Variants in RORA observed in about 807,000 individuals in gnomAD.
RORA encodes the protein nuclear receptor ROR-alpha.
A neutral mutation model predicts 69.5 loss-of-function variants in RORA; 7 were observed. The observed-to-expected ratio is 0.10, with a 90% CI of 0.06 to 0.19. The LOEUF is 0.19. RORA is among the 10% of genes least tolerant of loss of function. RORA has a pLI of 1.00. For missense variants in RORA, 457 were observed against 663.0 expected (o/e 0.69, Z 3.41); for synonymous variants, 261 against 240.8 (o/e 1.08, Z -0.78).
chr15:61,229,247 G>A lies in RORA; in HGVS notation c.-29C>T. The stretch of plus-strand genomic sequence containing the variant: ...TTTTCCCAATGTAGAGATCGCTGGA[G>A]ATGGCGAGCTCCGAGACTCCCTCTA... On this transcript the variant is annotated 5_prime_UTR_variant, in exon 1 of 11. Transcript: ENST00000335670. The A allele has an allele frequency of 8.0e-7, 1 of 1,247,612 alleles. No homozygotes were observed. Among genetic ancestry groups the A allele is most frequent in the Non-Finnish European group, 1.0e-6 (1 of 976,768 alleles). The allele number at this position is 1,247,612 out of a possible 1,614,324, so 77.3% of individuals were successfully genotyped here. A position where few individuals can be genotyped will look rare whatever the true frequency, so the allele number is the denominator to read the frequency against.
At chr15:60,839,410 T>G (rs1000573155) in intron 1 of RORA, among the ~76,000 whole-genome samples, 3 of 152,166 alleles carry the variant, frequency 2.0e-5, no homozygotes, top group African/African-American at 7.2e-5. Context: ...ACACTAAAAA[T>G]AAATGCATTA....
chr15:60,828,984 A>C (rs2073002550), intron 1 of RORA, among the ~76,000 whole-genome samples: 1 of 152,248 alleles, frequency 6.6e-6, no homozygotes, highest in African/African-American at 2.4e-5. Flanking sequence ...AGAAGACATC[A>C]GGTGTCCCTC....
intron 1 of RORA, among the ~76,000 whole-genome samples, chr15:60,987,751 G>A (rs16943444): frequency 0.24 from 36,072 of 152,002 alleles, 4,475 homozygotes; most frequent in East Asian, 0.35. Context: ...GATAAGTACT[G>A]GGCTGCCTTC....
At chr15:61,095,581 A>G (rs2078776951) in intron 1 of RORA, among the ~76,000 whole-genome samples, 1 of 152,230 alleles carries the variant, frequency 6.6e-6, no homozygotes, top group South Asian at 2.1e-4. Flanking sequence ...CTCCAATCTT[A>G]TGGAGAATGA....
chr15:60,677,944 C>T (rs1182593690), intron 2 of RORA, among the ~76,000 whole-genome samples: 1 of 152,204 alleles, frequency 6.6e-6, no homozygotes, highest in African/African-American at 2.4e-5. Flanking sequence ...AGTTGACTGC[C>T]TGCATCAATG....
intron 1 of RORA, among the ~76,000 whole-genome samples, chr15:60,903,228 T>C (rs12905764): frequency 0.86 from 131,606 of 152,156 alleles, 57,507 homozygotes; most frequent in South Asian, 0.91. Context: ...GAGGGGATGA[T>C]GTAGGTGAGG....
chr15:60,787,019 C>G (rs1023293024), intron 1 of RORA, among the ~76,000 whole-genome samples: 4 of 152,302 alleles, frequency 2.6e-5, no homozygotes, highest in Middle Eastern at 3.4e-3. Context: ...GTGAAGATAC[C>G]TAAGACTTTC....
At chr15:60,818,840 C>G (rs372439725) in intron 1 of RORA, among the ~76,000 whole-genome samples, 6 of 152,180 alleles carry the variant, frequency 3.9e-5, no homozygotes, top group Non-Finnish European at 8.8e-5. Context: ...AAGCCCAGCA[C>G]GAAACTTGCT....
intron 1 of RORA, among the ~76,000 whole-genome samples, chr15:60,918,624 C>A (rs1442544094): frequency 6.6e-6 from 1 of 152,176 alleles, no homozygotes; most frequent in Non-Finnish European, 1.5e-5. Context: ...ATGAAAGGGA[C>A]TTTATCTTTT....
At chr15:60,799,591 G>C (rs186783943) in intron 1 of RORA, among the ~76,000 whole-genome samples, 1 of 151,288 alleles carries the variant, frequency 6.6e-6, no homozygotes, top group Non-Finnish European at 1.5e-5. Flanking sequence ...AAAACATTGC[G>C]GGGGAGATGA....
intron 1 of RORA, among the ~76,000 whole-genome samples, chr15:61,176,886 G>T (rs2079633839): frequency 6.6e-6 from 1 of 152,132 alleles, no homozygotes; most frequent in Non-Finnish European, 1.5e-5. Flanking sequence ...TAACATAAAT[G>T]TTCATGCTTT....
chr15:61,106,853 C>T (rs1179546782), intron 1 of RORA, among the ~76,000 whole-genome samples: 7 of 152,284 alleles, frequency 4.6e-5, no homozygotes, highest in South Asian at 2.1e-4. Flanking sequence ...GGTCTTCCTA[C>T]GAGCAGTTCA....
At chr15:60,985,582 C>CTTTTTTTTTTTTT (rs11451387) in intron 1 of RORA, among the ~76,000 whole-genome samples, 11 of 100,846 alleles carry the variant, frequency 1.1e-4, no homozygotes, top group Non-Finnish European at 1.8e-4. Flanking sequence ...AACTCATCCT[C>CTTTTTTTTTTTTT]TTTTTTTTTT....
intron 1 of RORA, among the ~76,000 whole-genome samples, chr15:60,774,686 C>A (rs767699862): frequency 7.2e-5 from 11 of 152,294 alleles, no homozygotes; most frequent in Middle Eastern, 6.8e-3. Flanking sequence ...TCATGAGATA[C>A]ACCACATTGG....
At chr15:60,747,634 G>A (rs2071666906) in intron 1 of RORA, among the ~76,000 whole-genome samples, 3 of 152,084 alleles carry the variant, frequency 2.0e-5, no homozygotes, top group Non-Finnish European at 4.4e-5. Flanking sequence ...TTCCCATGTG[G>A]ACCACAAGAA....
At chr15:60,988,255 C>A (rs530667656) in intron 1 of RORA, among the ~76,000 whole-genome samples, 14 of 152,182 alleles carry the variant, frequency 9.2e-5, no homozygotes, top group Non-Finnish European at 1.5e-4. Context: ...GGGCAAGTGA[C>A]AGATTACCTA....
chr15:60,775,932 T>G (rs1706878546), intron 1 of RORA, among the ~76,000 whole-genome samples: 1 of 152,222 alleles, frequency 6.6e-6, no homozygotes, highest in Non-Finnish European at 1.5e-5. Context: ...CTTCGACTCC[T>G]TCTACCCTTT....
chr15:60,681,519 G>A (rs1292919489), intron 1 of RORA: 1 of 152,198 alleles, frequency 6.6e-6, no homozygotes, highest in Non-Finnish European at 1.5e-5. Flanking sequence ...ACTACTAGAA[G>A]AGCATATTGA....
At chr15:60,891,016 G>A (rs754554328) in intron 1 of RORA, among the ~76,000 whole-genome samples, 3 of 152,172 alleles carry the variant, frequency 2.0e-5, no homozygotes, top group African/African-American at 4.8e-5. Context: ...ACAGTTCTCC[G>A]TGGGAAGGAC....
Sources: allele counts gnomAD v4.1 joint callset (sites outside exome capture counted in the v4.1 genomes callset), GRCh38; gene constraint gnomAD v4.1.1; transcripts MANE v1.5; gene names NCBI Gene and HGNC (gene_info 2026-07-23, HGNC 2026-07-21).